CCDC30: variants seen among roughly 807,000 people sequenced by gnomAD.
CCDC30 encodes coiled-coil domain containing 30.
CCDC30 carries 70 observed loss-of-function variants against 100.2 expected under a neutral mutation model. The observed-to-expected ratio is 0.70, with a 90% CI of 0.58 to 0.85. The LOEUF (loss-of-function observed/expected upper bound fraction) is 0.85, where lower values mean the gene tolerates loss of function less well. CCDC30 is among the 40% of genes least tolerant of loss of function. The pLI, the probability that CCDC30 is intolerant of heterozygous loss-of-function variation, is 0.00. For synonymous variants in CCDC30, 233 were observed against 269.5 expected (o/e 0.86, Z 1.33); for missense variants, 652 against 771.2 (o/e 0.85, Z 1.83).
At chr1:42,589,703 A>G in intron 10 of CCDC30, 1 of 359,494 alleles carries the variant, frequency 2.8e-6, no homozygotes, top group Non-Finnish European at 5.0e-6. Flanking sequence ...AGAGTCAGAA[A>G]GGACTGCTGC....
Position 42,545,598 on chromosome 1 carries a change from A to G in CCDC30, c.457-20698A>G, listed in dbSNP as rs1395547970. 1.9e-6 allele frequency: 3 copies of G among 1,580,484 alleles called. No homozygotes were observed. The highest frequency in any genetic ancestry group is 1.4e-5 in the African/African-American group (1 of 72,692). ...AACTCTGGTAAATTGGGAAAATCCT[A>G]TATCACATTAATTATTCAGAGAGGG... On this transcript the variant is annotated intron_variant, in intron 6 of 16. Transcript: ENST00000668663.
In CCDC30 at chr1:42,538,149, CAAAAAAAAAAAAA is replaced by C. The variant is rs776412637; in HGVS notation, c.457-28128_457-28116del. Among the ~76,000 whole-genome samples the C allele has an allele frequency of 1.1e-3, 89 of 82,364 alleles. 3 individuals carry two copies. Among genetic ancestry groups the C allele is most frequent in the East Asian group, 1.5e-3 (3 of 2,018 alleles). 54.0% of individuals were successfully genotyped at this position (82,364 alleles called of 152,430 possible). On this transcript the variant is annotated intron_variant, in intron 6 of 16. Transcript: ENST00000668663. ...GCAACATAGTGGGACACTGTCTCCACAAAAAAAAAAAAAAAAAAAAAAAAAAAAAAATTAGCCA... is the reference window on the plus strand; with the variant it reads ...GCAACATAGTGGGACACTGTCTCCACAAAAAAAAAAAAAAAAAATTAGCCA...
intron 3 of CCDC30, among the ~76,000 whole-genome samples, chr1:42,484,087 A>AAACAACAT (rs376679389): frequency 0.13 from 19,494 of 151,890 alleles, 1,419 homozygotes; most frequent in East Asian, 0.18. Flanking sequence ...TGTTAAATGT[A>AAACAACAT]TAAAACAATA....
At chr1:42,456,506 G>T in the CCDC30 span, 5 of 1,428,184 alleles carry the variant, frequency 3.5e-6, no homozygotes, top group Admixed American at 1.2e-4. Context: ...CCAGGTAGGC[G>T]AGAAGGGGCG....
chr1:42,478,017 G>A (rs1003369688), intron 1 of CCDC30, among the ~76,000 whole-genome samples: 3 of 152,214 alleles, frequency 2.0e-5, no homozygotes, highest in Non-Finnish European at 4.4e-5. Context: ...TGGTGAAACC[G>A]TATGCTAAAC....
chr1:42,524,136 C>T (rs191655596), intron 6 of CCDC30, among the ~76,000 whole-genome samples: 79 of 151,176 alleles, frequency 5.2e-4, no homozygotes, highest in African/African-American at 1.9e-3. Flanking sequence ...ATGGGCCACA[C>T]CTTCATGTTT....
intron 6 of CCDC30, among the ~76,000 whole-genome samples, chr1:42,552,319 C>G (rs548055145): frequency 1.3e-5 from 2 of 152,138 alleles, no homozygotes; most frequent in Non-Finnish European, 2.9e-5. Flanking sequence ...GACCGCCATG[C>G]TCTGAATGTG....
At chr1:42,482,237 A>AC (rs1297548065) in intron 2 of CCDC30, among the ~76,000 whole-genome samples, 2 of 151,786 alleles carry the variant, frequency 1.3e-5, no homozygotes, top group East Asian at 1.9e-4. Flanking sequence ...AAAAAAAAAA[A>AC]ATCATTACAT....
At chr1:42,519,410 C>G (rs577519584) in intron 6 of CCDC30, among the ~76,000 whole-genome samples, 21 of 152,226 alleles carry the variant, frequency 1.4e-4, no homozygotes, top group Admixed American at 1.2e-3. Context: ...GCCATCAGAT[C>G]TAGGGTTTTT....
At chr1:42,641,215 T>TGTGTG (rs1647360561) in intron 12 of CCDC30, among the ~76,000 whole-genome samples, 1 of 132,358 alleles carries the variant, frequency 7.6e-6, no homozygotes, top group African/African-American at 2.8e-5. Context: ...CACATGGCTT[T>TGTGTG]TGTGTGTGTG....
At chr1:42,619,161 C>T (rs1250027816) in intron 11 of CCDC30, among the ~76,000 whole-genome samples, 4 of 152,180 alleles carry the variant, frequency 2.6e-5, no homozygotes, top group African/African-American at 9.6e-5. Context: ...CTATATCTAG[C>T]TTTGTATACA....
At chr1:42,551,525 T>G (rs1645251472) in intron 6 of CCDC30, among the ~76,000 whole-genome samples, 1 of 152,138 alleles carries the variant, frequency 6.6e-6, no homozygotes, top group South Asian at 2.1e-4. Context: ...GATGCAGACG[T>G]GCTGGCTATA....
At chr1:42,589,981 T>A (rs1028039477) in intron 10 of CCDC30, 2 of 152,584 alleles carry the variant, frequency 1.3e-5, no homozygotes, top group Non-Finnish European at 2.9e-5. Context: ...TGAAATGTAA[T>A]CCCCATCATT....
rs182760528 is a variant in CCDC30 at position 42,551,986 on chromosome 1, G to C, written c.457-14310G>C. On this transcript the variant is annotated intron_variant, in intron 6 of 16. Coordinates refer to ENST00000668663, the Ensembl canonical transcript of CCDC30. ...TCCCTATGTTGCCCAGGCTGGTCTC[G>C]AACTCCTGGGCTCAAGTGATCCTCC... Among the ~76,000 whole-genome samples the C allele has an allele frequency of 3.3e-5, 5 of 152,056 alleles. No individual in the cohort carries two copies. In the East Asian group the frequency reaches 9.7e-4, roughly 29 times the overall value.
chr1:42,509,938 C>T (rs1260456240), intron 6 of CCDC30: 2 of 520,176 alleles, frequency 3.8e-6, no homozygotes, highest in Non-Finnish European at 4.9e-6. Flanking sequence ...TTCCCTTCCT[C>T]CAAGCTCAAC....
At chr1:42,618,560 A>G (rs139361781) in intron 11 of CCDC30, among the ~76,000 whole-genome samples, 166 of 152,238 alleles carry the variant, frequency 1.1e-3, no homozygotes, top group Non-Finnish European at 2.1e-3. Flanking sequence ...TCTTTTACCA[A>G]ACGTTCCTAG....
chr1:42,529,936 T>TTAAAA (rs1454859346), intron 6 of CCDC30, among the ~76,000 whole-genome samples: 5 of 152,208 alleles, frequency 3.3e-5, no homozygotes, highest in Admixed American at 1.3e-4. Context: ...AATAAGCAAC[T>TTAAAA]CATAAGTTTT....
exon 7 of CCDC30, chr1:42,566,360 A>G: frequency 1.2e-6 from 2 of 1,613,986 alleles, no homozygotes; most frequent in Admixed American, 3.3e-5. Context: ...CTTCACCAGA[A>G]TTTGCACCGG....
At chr1:42,503,777 G>A (rs980928138) in intron 6 of CCDC30, among the ~76,000 whole-genome samples, 2 of 152,080 alleles carry the variant, frequency 1.3e-5, no homozygotes, top group Non-Finnish European at 2.9e-5. Context: ...ACCTTAATGA[G>A]GACTTCCTTA....
Sources: gnomAD v4.1 joint callset for allele counts (sites outside exome capture counted in the v4.1 genomes callset) on GRCh38, gnomAD v4.1.1 for gene constraint, MANE v1.5 for transcripts, NCBI Gene and HGNC (gene_info 2026-07-23, HGNC 2026-07-21) for gene names.